Variants in PTPRK observed in about 807,000 individuals in gnomAD.
The protein encoded by PTPRK is receptor-type tyrosine-protein phosphatase kappa.
Under a neutral mutation model 178.0 loss-of-function variants are expected in PTPRK, and 75 were observed. The observed-to-expected ratio is 0.42, with a 90% CI of 0.35 to 0.51. The LOEUF is 0.51. Among genes scored for constraint, PTPRK ranks in the 20% least tolerant of loss-of-function variants. The pLI, the probability that PTPRK is intolerant of heterozygous loss-of-function variation, is 0.02. For synonymous variants in PTPRK, 637 were observed against 620.6 expected, an observed-to-expected ratio of 1.03 and a Z score of -0.39; for missense variants, 1,441 against 1,797.8, an observed-to-expected ratio of 0.80 and a Z score of 3.59.
intron 2 of PTPRK, among the ~76,000 whole-genome samples, chr6:128,382,925 C>G (rs1584459516): frequency 6.6e-6 from 1 of 152,122 alleles, no homozygotes. Flanking sequence ...AAATAAGAAA[C>G]TAACATAAAT....
intron 13 of PTPRK, among the ~76,000 whole-genome samples, chr6:128,027,314 C>T (rs571037422): frequency 5.3e-5 from 8 of 152,128 alleles, no homozygotes; most frequent in South Asian, 4.2e-4. Flanking sequence ...ATTTATTGCC[C>T]GGGAATTCAT....
At chr6:128,280,257 T>C (rs1197594716) in intron 3 of PTPRK, among the ~76,000 whole-genome samples, 1 of 152,114 alleles carries the variant, frequency 6.6e-6, no homozygotes, top group Non-Finnish European at 1.5e-5. Context: ...TCAGGACCTG[T>C]AAAGTTAGGG....
Position 128,085,367 on chromosome 6 carries a change from A to C in PTPRK, c.1466-1543T>G, listed in dbSNP as rs566671945. 9 of 152,384 alleles carry C rather than the reference A, an allele frequency of 5.9e-5. No individual in the cohort carries two copies. In the East Asian group the frequency reaches 1.7e-3, roughly 29 times the overall value. The allele number at this position is 152,384 out of a possible 1,614,324, so 9.4% of individuals were successfully genotyped here. The stretch of plus-strand genomic sequence containing the variant: ...GCCATGGGCATTGGTTTGTCTTGCA[A>C]GAGTACCTGTTGTTTCCATTATATG... On this transcript the variant is annotated intron_variant, in intron 8 of 29. Coordinates refer to ENST00000368226, the MANE Select transcript of PTPRK (RefSeq NM_002844.4).
At chr6:128,187,414 G>A (rs897237920) in intron 6 of PTPRK, among the ~76,000 whole-genome samples, 1 of 152,104 alleles carries the variant, frequency 6.6e-6, no homozygotes, top group Non-Finnish European at 1.5e-5. Context: ...TAATAGCTGT[G>A]TAATCTTAAA....
chr6:128,135,972 G>A (rs934561126), intron 7 of PTPRK, among the ~76,000 whole-genome samples: 45 of 152,252 alleles, frequency 3.0e-4, no homozygotes, highest in African/African-American at 1.0e-3. Context: ...CGTTGAAGCC[G>A]TAACCTAACT....
intron 2 of PTPRK, among the ~76,000 whole-genome samples, chr6:128,348,198 A>C (rs1832673214): frequency 6.6e-6 from 1 of 152,068 alleles, no homozygotes; most frequent in Non-Finnish European, 1.5e-5. Flanking sequence ...TATAAAACAC[A>C]AATAAATTTT....
chr6:128,142,675 C>A (rs992514020), intron 7 of PTPRK, among the ~76,000 whole-genome samples: 1 of 151,602 alleles, frequency 6.6e-6, no homozygotes, highest in African/African-American at 2.4e-5. Context: ...GAAGTGGACT[C>A]AAGAAAATTA....
chr6:128,516,737 A>G (rs1336880389), intron 1 of PTPRK, among the ~76,000 whole-genome samples: 1 of 152,184 alleles, frequency 6.6e-6, no homozygotes, highest in African/African-American at 2.4e-5. Context: ...CATACAAGAG[A>G]GACAATAGTC....
rs977665569 is a variant in PTPRK at position 128,077,718 on chromosome 6, C to T, written c.1883+1095G>A. Among the ~76,000 whole-genome samples, 4 of 152,042 alleles carry T rather than the reference C, an allele frequency of 2.6e-5. No homozygotes were observed. In the South Asian group the frequency reaches 6.2e-4, roughly 24 times the overall value. ...TGATAACAAAATGTCCACAAAATCA[C>T]GTTTCAAATGGAAACTTGTTTAAGT... On this transcript the variant is annotated intron_variant, in intron 11 of 29. Transcript: ENST00000368226.
chr6:128,196,097 G>A (rs544071956), intron 6 of PTPRK, among the ~76,000 whole-genome samples: 25 of 152,188 alleles, frequency 1.6e-4, no homozygotes, highest in Non-Finnish European at 1.9e-4. Flanking sequence ...AGGTTATTAC[G>A]TACTTCTAAT....
chr6:127,984,135 A>G (rs1775676958), intron 22 of PTPRK, among the ~76,000 whole-genome samples: 2 of 152,204 alleles, frequency 1.3e-5, no homozygotes, highest in African/African-American at 4.8e-5. Context: ...AATAATGTAT[A>G]TATTCTTGGG....
At chr6:128,404,404 T>C (rs1421736733) in intron 1 of PTPRK, among the ~76,000 whole-genome samples, 2 of 152,216 alleles carry the variant, frequency 1.3e-5, no homozygotes, top group Non-Finnish European at 2.9e-5. Context: ...GTGCAAGTTA[T>C]CTCCTACTAT....
intron 3 of PTPRK, among the ~76,000 whole-genome samples, chr6:128,259,727 AATCATAAATCCCTAGGAAAGG>A (rs1402160545): frequency 1.3e-5 from 2 of 152,194 alleles, no homozygotes; most frequent in Admixed American, 6.5e-5. Flanking sequence ...TTTATGTGAA[AATCATAAATCCCTAGGAAAGG>A]GCCATAAAAA....
chr6:128,025,628 A>C (rs866545850), intron 13 of PTPRK, among the ~76,000 whole-genome samples: 3 of 152,206 alleles, frequency 2.0e-5, no homozygotes, highest in African/African-American at 7.2e-5. Context: ...TCTGGGAACT[A>C]GAGGGCCCCA....
intron 3 of PTPRK, among the ~76,000 whole-genome samples, chr6:128,269,489 TTAAC>T (rs1819457893): frequency 6.6e-6 from 1 of 151,468 alleles, no homozygotes; most frequent in Non-Finnish European, 1.5e-5. Flanking sequence ...GGGTGGCATC[TTAAC>T]TAACAGGATG....
intron 2 of PTPRK, among the ~76,000 whole-genome samples, chr6:128,395,829 A>G (rs1049637548): frequency 2.2e-4 from 33 of 152,170 alleles, no homozygotes; most frequent in African/African-American, 7.7e-4. Flanking sequence ...TTCAGCCTCA[A>G]AAATAACCAT....
chr6:128,031,893 C>G (rs116127085), intron 13 of PTPRK, among the ~76,000 whole-genome samples: 1,650 of 152,214 alleles, frequency 0.011, 30 homozygotes, highest in African/African-American at 0.038. Flanking sequence ...GAGTCAGCAT[C>G]CTCAATCTCA....
chr6:128,062,655 T>C (rs1407921370), intron 13 of PTPRK: 2 of 166,284 alleles, frequency 1.2e-5, no homozygotes, highest in Non-Finnish European at 2.9e-5. Flanking sequence ...TATAATATGT[T>C]AAGCACTATT....
At chr6:128,225,422 T>G (rs1811113276) in intron 5 of PTPRK, among the ~76,000 whole-genome samples, 1 of 152,164 alleles carries the variant, frequency 6.6e-6, no homozygotes, top group South Asian at 2.1e-4. Context: ...CAAGTGAGGC[T>G]GACGTGAAAT....
Sources: gnomAD v4.1 joint callset for allele counts (sites outside exome capture counted in the v4.1 genomes callset) on GRCh38, gnomAD v4.1.1 for gene constraint, MANE v1.5 for transcripts, NCBI Gene and HGNC (gene_info 2026-07-23, HGNC 2026-07-21) for gene names.